AFF3: variants seen among roughly 807,000 people sequenced by gnomAD.
The protein encoded by AFF3 is ALF transcription elongation factor 3.
Under a neutral mutation model 129.7 loss-of-function variants are expected in AFF3, and 32 were observed. The observed-to-expected ratio is 0.25, with a 90% CI of 0.19 to 0.33. The LOEUF (loss-of-function observed/expected upper bound fraction) is 0.33. Ranked by LOEUF, AFF3 falls within the 10% of genes least tolerant of loss-of-function variation. AFF3 has a pLI of 1.00. For missense variants in AFF3, 1,373 were observed against 1,592.0 expected (o/e 0.86, Z 2.34); for synonymous variants, 644 against 635.4 (o/e 1.01, Z -0.20).
chr2:99,804,549 T>C (rs971253114), intron 8 of AFF3, among the ~76,000 whole-genome samples: 7 of 152,210 alleles, frequency 4.6e-5, no homozygotes, highest in Non-Finnish European at 1.0e-4. Context: ...GAACTAAAAG[T>C]AGATCAACTG....
intron 7 of AFF3, among the ~76,000 whole-genome samples, chr2:99,891,820 A>G (rs1576290213): frequency 6.9e-6 from 1 of 144,522 alleles, no homozygotes; most frequent in Non-Finnish European, 1.5e-5. Context: ...CTTAAAGCCC[A>G]CCAGCACATT....
At position 100,059,252 on chromosome 2, in the gene AFF3, T is replaced by TC. The variant is rs1375505576; in HGVS notation, c.53+45149dup. Among the ~76,000 whole-genome samples, 47 of 26,936 alleles carry TC rather than the reference T, an allele frequency of 1.7e-3. 1 individual carries two copies. The highest frequency in any genetic ancestry group is 0.01 in the African/African-American group (46 of 4,542). 17.7% of individuals were successfully genotyped at this position (26,936 alleles called of 152,430 possible). A position where few individuals can be genotyped will look rare whatever the true frequency, so the allele number is the denominator to read the frequency against. ...TGGGCAACAGAAGTGAGACTCTGTC[T>TC]CCAAAAAAAAAAAAAAAAAAAAAAA... On this transcript the variant is annotated intron_variant, in intron 4 of 24. Coordinates refer to ENST00000672756, the MANE Select transcript of AFF3 (RefSeq NM_001386135.1).
chr2:99,683,785 C>T (rs1674765796), intron 11 of AFF3, among the ~76,000 whole-genome samples: 1 of 152,230 alleles, frequency 6.6e-6, no homozygotes, highest in Non-Finnish European at 1.5e-5. Flanking sequence ...CGAGCACATT[C>T]TAGGTGCCAG....
At position 99,594,087 on chromosome 2, in the gene AFF3, C is replaced by T. The variant is rs1292087971; in HGVS notation, c.1574G>A (p.Ser525Asn). The change falls in exon 15 of 25, where the codon AGC (serine) becomes AAC (asparagine). Residue 525 changes from serine to asparagine, a missense_variant. This residue lies in a region of AFF3 where 413 missense variants were observed against 424.4 expected (regional missense o/e 0.97). Transcript: ENST00000672756. ...TGGCCTTTGCTCCTCCTTGCAAGTGCTCTTGATCTCCTTCTCTCTCAGGCT... is the reference window on the plus strand; with the variant it reads ...TGGCCTTTGCTCCTCCTTGCAAGTGTTCTTGATCTCCTTCTCTCTCAGGCT... ...QPSLREKEIK[S>N]TCKEEQRPRT... is the part of the protein sequence containing the mutation. The T allele has an allele frequency of 6.2e-7, 1 of 1,613,928 alleles. No individual in the cohort carries two copies. The highest frequency in any genetic ancestry group is 2.2e-5 in the East Asian group (1 of 44,864).
intron 13 of AFF3, among the ~76,000 whole-genome samples, chr2:99,611,968 G>A (rs1054281603): frequency 6.6e-6 from 1 of 151,802 alleles, no homozygotes; most frequent in African/African-American, 2.4e-5. Context: ...TGTGGCTTCC[G>A]TCTGTGCCTA....
chr2:99,602,164 T>A (rs1373815891), intron 13 of AFF3, among the ~76,000 whole-genome samples: 1 of 152,194 alleles, frequency 6.6e-6, no homozygotes, highest in Non-Finnish European at 1.5e-5. Context: ...ACGAAGGGAC[T>A]GTCCAAGTTC....
chr2:100,067,328 A>G (rs1687812572), intron 4 of AFF3, among the ~76,000 whole-genome samples: 1 of 152,218 alleles, frequency 6.6e-6, no homozygotes, highest in Non-Finnish European at 1.5e-5. Flanking sequence ...TACAAGGGAA[A>G]GTGCCTCTTA....
chr2:99,954,302 G>T (rs577074002), intron 7 of AFF3, among the ~76,000 whole-genome samples: 2 of 151,954 alleles, frequency 1.3e-5, no homozygotes, highest in African/African-American at 4.8e-5. Flanking sequence ...TCTATCTTTG[G>T]TCACATCTTA....
At chr2:99,866,544 G>A (rs913159993) in intron 7 of AFF3, among the ~76,000 whole-genome samples, 1 of 152,126 alleles carries the variant, frequency 6.6e-6, no homozygotes, top group Non-Finnish European at 1.5e-5. Context: ...CCTCCTCACT[G>A]GAAGGGATTC....
At chr2:99,930,983 G>A (rs770668221) in intron 7 of AFF3, among the ~76,000 whole-genome samples, 2 of 152,092 alleles carry the variant, frequency 1.3e-5, no homozygotes, top group African/African-American at 2.4e-5. Flanking sequence ...CTGAAGTTCC[G>A]AGAACCACCA....
chr2:99,694,874 T>C (rs1015532429), intron 11 of AFF3, among the ~76,000 whole-genome samples: 1 of 152,064 alleles, frequency 6.6e-6, no homozygotes, highest in Non-Finnish European at 1.5e-5. Context: ...CTGGCTAATT[T>C]TTGTATTTTT....
chr2:100,048,186 C>T (rs1163275685), intron 4 of AFF3, among the ~76,000 whole-genome samples: 4 of 152,172 alleles, frequency 2.6e-5, no homozygotes, highest in African/African-American at 9.7e-5. Flanking sequence ...AATGCCGTGA[C>T]AAATATCCTA....
At chr2:99,698,694 T>C (rs1047575495) in intron 11 of AFF3, among the ~76,000 whole-genome samples, 4 of 152,250 alleles carry the variant, frequency 2.6e-5, no homozygotes, top group Non-Finnish European at 5.9e-5. Flanking sequence ...ACAGTGCTAA[T>C]AGTCGTGGAT....
chr2:99,852,987 G>A (rs1690261060), intron 7 of AFF3, among the ~76,000 whole-genome samples: 1 of 152,058 alleles, frequency 6.6e-6, no homozygotes, highest in East Asian at 1.9e-4. Flanking sequence ...TTTTGAAAAG[G>A]TAGAGAAAAA....
chr2:99,556,595 G>T (rs941255894), intron 22 of AFF3, among the ~76,000 whole-genome samples: 1 of 152,124 alleles, frequency 6.6e-6, no homozygotes, highest in Non-Finnish European at 1.5e-5. Flanking sequence ...GGTACCTAAA[G>T]ATTTCATGGT....
At chr2:99,952,113 T>G (rs1233354680) in intron 7 of AFF3, among the ~76,000 whole-genome samples, 1 of 152,178 alleles carries the variant, frequency 6.6e-6, no homozygotes, top group East Asian at 1.9e-4. Context: ...CACGTCGAAT[T>G]ATAATTCCCA....
intron 11 of AFF3, among the ~76,000 whole-genome samples, chr2:99,688,169 C>T (rs1675258659): frequency 6.6e-6 from 1 of 152,126 alleles, no homozygotes; most frequent in African/African-American, 2.4e-5. Context: ...TCAGTATGGA[C>T]TCTTGCATGC....
intron 4 of AFF3, among the ~76,000 whole-genome samples, chr2:100,032,236 G>A (rs1368643103): frequency 6.6e-6 from 1 of 152,150 alleles, no homozygotes; most frequent in Non-Finnish European, 1.5e-5. Flanking sequence ...GACCATCCCA[G>A]CCAACATGGT....
chr2:99,811,367 C>T (rs1268154204), intron 8 of AFF3, among the ~76,000 whole-genome samples: 4 of 152,146 alleles, frequency 2.6e-5, no homozygotes, highest in Middle Eastern at 6.8e-3. Flanking sequence ...AGTAAGGAAA[C>T]TATTATTATC....
Sources: gnomAD v4.1 joint callset for allele counts (sites outside exome capture counted in the v4.1 genomes callset) on GRCh38, gnomAD v4.1.1 for gene constraint, gnomAD v4.1.1 regional missense constraint, MANE v1.5 for transcripts, NCBI Gene and HGNC (gene_info 2026-07-23, HGNC 2026-07-21) for gene names.